Variants in MICAL1 observed in about 807,000 individuals in gnomAD.
The protein encoded by MICAL1 is [F-actin]-monooxygenase MICAL1.
In MICAL1, 95 loss-of-function variants were observed where a neutral mutation model predicts 131.8. That is an observed-to-expected ratio of 0.72 (90% confidence interval 0.61 to 0.86). The LOEUF (loss-of-function observed/expected upper bound fraction) is 0.86, where lower values mean the gene tolerates loss of function less well. MICAL1 is among the 40% of genes least tolerant of loss of function. MICAL1 has a pLI of 0.00. For synonymous variants in MICAL1, 546 were observed against 554.2 expected, an observed-to-expected ratio of 0.99 and a Z score of 0.21; for missense variants, 1,292 against 1,380.6, an observed-to-expected ratio of 0.94 and a Z score of 1.02.
Position 109,454,083 on chromosome 6 carries a change from C to G in MICAL1, c.114G>C (p.Gly38=), listed in dbSNP as rs754614028. 3 of 1,613,832 alleles carry G rather than the reference C, an allele frequency of 1.9e-6. No homozygotes were observed. The highest frequency in any genetic ancestry group is 2.5e-6 in the Non-Finnish European group (3 of 1,179,988). Residue 38 remains glycine (G), a synonymous_variant, in exon 2 of 25, where the codon GGG becomes GGC. Coordinates refer to ENST00000358807, the MANE Select transcript of MICAL1 (RefSeq NM_022765.4). ...GGGGCAGCCCCCCACCGGGTTCCAG[C>G]CCCAGGGCCCCACACAGCTCCTGGA... The part of the protein sequence containing the change: ...SSFQELCGAL[G]LEPGGGLPQY...
At chr6:109,448,092 T>C (rs934020701) in intron 13 of MICAL1, 111 bp downstream of exon 13, 2 of 1,225,446 alleles carry the variant, frequency 1.6e-6, no homozygotes, top group African/African-American at 8.7e-5. Context: ...CTTCTTCCTC[T>C]TTCTGACACA....
At position 109,445,406 on chromosome 6, in the gene MICAL1, C is replaced by T. The variant is rs541149144; in HGVS notation, c.2787+10G>A. On this transcript the variant is annotated intron_variant, in intron 21 of 24. Coordinates refer to ENST00000358807, the MANE Select transcript of MICAL1 (RefSeq NM_022765.4). ...ACCCCATCAGAATTTTGGGAACCCCCGGGCTTCACCTGGGCCTTGCAGAAC... is the reference window on the plus strand; with the variant it reads ...ACCCCATCAGAATTTTGGGAACCCCTGGGCTTCACCTGGGCCTTGCAGAAC... 2.6e-5 allele frequency: 42 copies of T among 1,613,908 alleles called. No individual in the cohort carries two copies. The Middle Eastern group carries it at 8.2e-4, about 32-fold the overall frequency.
At chr6:109,459,255 C>CT (rs1775833211), upstream of MICAL1, among the ~76,000 whole-genome samples, 1 of 152,200 alleles carries the variant, frequency 6.6e-6, no homozygotes, top group African/African-American at 2.4e-5. Context: ...GCAAGGCACT[C>CT]TGTTTGATGC....
intron 1 of MICAL1, among the ~76,000 whole-genome samples, chr6:109,462,418 T>A (rs1315065200): frequency 6.6e-6 from 1 of 152,212 alleles, no homozygotes; most frequent in Non-Finnish European, 1.5e-5. Context: ...CTGTGTGCCA[T>A]GACATGGAAG....
upstream of MICAL1, among the ~76,000 whole-genome samples, chr6:109,457,446 A>C (rs1775781050): frequency 6.6e-6 from 1 of 152,168 alleles, no homozygotes. Flanking sequence ...CATTATACGA[A>C]GCTATGTCTT....
chr6:109,454,087 A>G lies in MICAL1; in HGVS notation c.110T>C (p.Leu37Pro). ...LSSFQELCGALGLEPGGGLPQ... is the reference protein window; with the variant it reads ...LSSFQELCGAPGLEPGGGLPQ... ...CAGCCCCCCACCGGGTTCCAGCCCC[A>G]GGGCCCCACACAGCTCCTGGAAGCT... The change falls in exon 2 of 25, where the codon CTG becomes CCG. Residue 37 changes from leucine to proline, a missense_variant. Leu to Pro is a moderately conservative substitution (Grantham distance 98, BLOSUM62 -3). Transcript: ENST00000358807. 6.2e-7 allele frequency: 1 copy of G among 1,613,924 alleles called. No homozygotes were observed. The highest frequency in any genetic ancestry group is 1.7e-4 in the Middle Eastern group (1 of 6,060).
At chr6:109,446,096 T>C in intron 19 of MICAL1, 40 bp downstream of exon 19, 4 of 713,864 alleles carry the variant, frequency 5.6e-6, no homozygotes, top group Non-Finnish European at 6.7e-6. Context: ...GCTCCCACCC[T>C]GTCCCACCCT....
Position 109,452,343 on chromosome 6 carries a change from C to T in MICAL1, c.735G>A (p.Val245=), listed in dbSNP as rs751705502. Residue 245 remains valine (V), a synonymous_variant, in exon 6 of 25, where the codon GTG becomes GTA. Coordinates refer to ENST00000358807, the MANE Select transcript of MICAL1 (RefSeq NM_022765.4). ...KLAIGITANF[V]NGRTVEETQV... ...GTGTCTCCTCCACGGTGCGTCCATTCACAAAGTTGGCTGTGATGCCAATGG... is the reference window on the plus strand; with the variant it reads ...GTGTCTCCTCCACGGTGCGTCCATTTACAAAGTTGGCTGTGATGCCAATGG... The T allele has an allele frequency of 3.7e-6, 6 of 1,614,204 alleles. No homozygotes were observed. The highest frequency in any genetic ancestry group is 5.1e-6 in the Non-Finnish European group (6 of 1,180,034).
chr6:109,449,411 A>G lies in MICAL1; in HGVS notation c.1505T>C (p.Met502Thr). 1 of 1,614,200 alleles carries G rather than the reference A, an allele frequency of 6.2e-7. No individual in the cohort carries two copies. The highest frequency in any genetic ancestry group is 1.1e-5 in the South Asian group (1 of 91,086). Residue 502 changes from methionine to threonine, a missense_variant, in exon 11 of 25, where the codon ATG (methionine) becomes ACG (threonine). Transcript: ENST00000358807. Reference sequence around the variant, plus strand: ...GAAGGCCTGCTCACCGGTGGCTGGCATCCCTGTATCTGTCTTGTCGTTGTT... The same window carrying G: ...GAAGGCCTGCTCACCGGTGGCTGGCGTCCCTGTATCTGTCTTGTCGTTGTT... ...QRNNDKTDTG[M>T]PATGSAGTQE... is the part of the protein sequence containing the mutation.
rs761277963 is a variant in MICAL1 at position 109,447,222 on chromosome 6, G to A, written c.2078C>T (p.Ala693Val). Residue 693 changes from alanine to valine, a missense_variant, in exon 17 of 25, where the codon GCT becomes GTT. Physicochemically the swap from Ala to Val is moderately conservative, Grantham distance 64 (BLOSUM62 0). Coordinates refer to ENST00000358807, the MANE Select transcript of MICAL1 (RefSeq NM_022765.4). Reference sequence around the variant, plus strand: ...CCCACAAAGTGCACACAGGTCCCCAGCACCGGCCTGCGTGGACCCCCAGGA... The same window carrying A: ...CCCACAAAGTGCACACAGGTCCCCAACACCGGCCTGCGTGGACCCCCAGGA... ...TPPSQHQEAG[A>V]GDLCALCGEH... 2 of 1,614,032 alleles carry A rather than the reference G, an allele frequency of 1.2e-6. No homozygotes were observed. The highest frequency in any genetic ancestry group is 1.7e-6 in the Non-Finnish European group (2 of 1,179,908).
chr6:109,455,629 G>C lies in MICAL1; in HGVS notation c.-44+90C>G, dbSNP rs1320723008. On this transcript the variant is annotated intron_variant, in intron 1 of 24. Transcript: ENST00000358807. This position sits in a 1 kb window ranked among gnomAD's most constrained non-coding sequence, Gnocchi z 4.7. ...GCCTGACCTGCCAGGCGTGGTTCCC[G>C]AGCGACCGCAGCTGCGTTTCCCCGG... The C allele has an allele frequency of 7.9e-6, 7 of 881,048 alleles. No individual in the cohort carries two copies. The highest frequency in any genetic ancestry group is 1.8e-5 in the African/African-American group (1 of 55,406). 54.6% of individuals were successfully genotyped at this position (881,048 alleles called of 1,614,324 possible).
At chr6:109,446,619 C>G in intron 18 of MICAL1, 77 bp downstream of exon 18, 1 of 1,496,102 alleles carries the variant, frequency 6.7e-7, no homozygotes, top group Admixed American at 1.9e-5. Context: ...TTCAGTTACC[C>G]CCAGCAAAGC....
In MICAL1 at chr6:109,453,658, G is replaced by T; in HGVS notation, c.446C>A (p.Thr149Asn). The T allele has an allele frequency of 3.7e-6, 6 of 1,609,172 alleles. No individual in the cohort carries two copies. Among genetic ancestry groups the T allele is most frequent in the Non-Finnish European group, 5.1e-6 (6 of 1,177,820 alleles). Residue 149 changes from threonine (T) to asparagine (N), a missense_variant, in exon 3 of 25, where the codon ACC (threonine) becomes AAC (asparagine). By Grantham distance (65) the Thr-to-Asn change is moderately conservative (BLOSUM62 0). Coordinates refer to ENST00000358807, the MANE Select transcript of MICAL1 (RefSeq NM_022765.4). The part of the protein sequence containing the change: ...GAKKFYGRFC[T>N]GTLDHISIRQ... ...CTCACTGATGTGGTCCAGGGTGCCG[G>T]TGCAGAAGCGCCCGTAGAACTTCTT...
Position 109,454,070 on chromosome 6 carries a change from C to A in MICAL1, c.127G>T (p.Gly43Trp), listed in dbSNP as rs758036265. ...ATCTTGTGGTACTGGGGCAGCCCCCCACCGGGTTCCAGCCCCAGGGCCCCA... is the reference window on the plus strand; with the variant it reads ...ATCTTGTGGTACTGGGGCAGCCCCCAACCGGGTTCCAGCCCCAGGGCCCCA... The part of the protein sequence containing the change: ...LCGALGLEPG[G>W]GLPQYHKIKD... The change falls in exon 2 of 25, where the codon GGG becomes TGG. Residue 43 changes from glycine (G) to tryptophan (W), a missense_variant. Coordinates refer to ENST00000358807, the MANE Select transcript of MICAL1 (RefSeq NM_022765.4). 5.6e-6 allele frequency: 9 copies of A among 1,614,006 alleles called. No homozygotes were observed. Among genetic ancestry groups the A allele is most frequent in the African/African-American group, 4.0e-5 (3 of 75,058 alleles).
chr6:109,452,747 T>A, intron 4 of MICAL1, 132 bp from the exon 5 acceptor site: 1 of 649,450 alleles, frequency 1.5e-6, no homozygotes, highest in South Asian at 2.1e-5. Context: ...ATATTATCTA[T>A]CAGATTACAC....
intron 10 of MICAL1, 59 bp downstream of exon 10, chr6:109,449,598 C>A: frequency 6.3e-7 from 1 of 1,599,016 alleles, no homozygotes; most frequent in Non-Finnish European, 8.5e-7. Flanking sequence ...GCAGGGAGGG[C>A]CTGACCTGGG....
intron 17 of MICAL1, 146 bp downstream of exon 17, chr6:109,446,927 G>A: frequency 8.1e-7 from 1 of 1,240,464 alleles, no homozygotes; most frequent in Non-Finnish European, 1.1e-6. Flanking sequence ...CTGGAGCTTT[G>A]CAGGGGACAG....
At chr6:109,447,761 A>T in intron 14 of MICAL1, 39 bp from the exon 15 acceptor site, 1 of 1,613,834 alleles carries the variant, frequency 6.2e-7, no homozygotes, top group Non-Finnish European at 8.5e-7. Context: ...TGATGTTTTG[A>T]GGTCCCAGTC....
At chr6:109,465,552 G>A (rs1776012259) in intron 1 of MICAL1, 1 of 1,183,162 alleles carries the variant, frequency 8.5e-7, no homozygotes, top group Non-Finnish European at 1.2e-6. Context: ...AAACCTTACA[G>A]AAAAACTGAG....
Sources: allele counts gnomAD v4.1 joint callset (sites outside exome capture counted in the v4.1 genomes callset), GRCh38; gene constraint gnomAD v4.1.1; non-coding constraint Gnocchi (gnomAD v3.1); transcripts MANE v1.5; gene names NCBI Gene and HGNC (gene_info 2026-07-23, HGNC 2026-07-21).